FOXP2: variants seen among roughly 807,000 people sequenced by gnomAD.
FOXP2 encodes the protein forkhead box P2.
A neutral mutation model predicts 115.8 loss-of-function variants in FOXP2; 12 were observed. The ratio of observed to expected loss-of-function variants is 0.10; its 90% CI spans 0.07 to 0.17. FOXP2 has a LOEUF of 0.17. Ranked by LOEUF, FOXP2 falls within the 10% of genes least tolerant of loss-of-function variation. FOXP2 has a pLI of 1.00. For synonymous variants in FOXP2, 328 were observed against 297.7 expected, an observed-to-expected ratio of 1.10 and a Z score of -1.05; for missense variants, 629 against 843.5, an observed-to-expected ratio of 0.75 and a Z score of 3.15.
chr7:114,629,646 T>G (rs1161544610), intron 4 of FOXP2, 159 bp from the exon 5 acceptor site: 1 of 1,594,420 alleles, frequency 6.3e-7, no homozygotes, highest in Non-Finnish European at 8.5e-7. Context: ...AAAAAATGTA[T>G]GTAGAGCTGT....
At chr7:114,663,597 G>C in intron 15 of FOXP2, 78 bp downstream of exon 15, 1 of 1,084,712 alleles carries the variant, frequency 9.2e-7, no homozygotes, top group South Asian at 1.3e-5. Context: ...TTGTATTTAG[G>C]TGAGATTGTG....
chr7:114,405,975 G>A (rs1421034857), intron 2 of FOXP2, among the ~76,000 whole-genome samples: 1 of 151,680 alleles, frequency 6.6e-6, no homozygotes, highest in African/African-American at 2.4e-5. Flanking sequence ...AGAATTTGTA[G>A]TTGAAAAATA....
At chr7:114,643,154 T>C (rs763750138) in intron 7 of FOXP2, among the ~76,000 whole-genome samples, 3 of 151,948 alleles carry the variant, frequency 2.0e-5, no homozygotes, top group Non-Finnish European at 4.4e-5. Context: ...TACCAAAAGT[T>C]TGATGGATGT....
chr7:114,232,425 T>G (rs1246055663), intron 1 of FOXP2, among the ~76,000 whole-genome samples: 1 of 152,212 alleles, frequency 6.6e-6, no homozygotes, highest in Non-Finnish European at 1.5e-5. Flanking sequence ...ATGTTCATTG[T>G]AACATTATTC....
intron 2 of FOXP2, among the ~76,000 whole-genome samples, chr7:114,311,470 A>G (rs1797145535): frequency 6.6e-6 from 1 of 152,128 alleles, no homozygotes; most frequent in Non-Finnish European, 1.5e-5. Flanking sequence ...GGTTTTGCCA[A>G]TGCCAAATAT....
chr7:114,559,660 A>G (rs993890789), intron 3 of FOXP2, among the ~76,000 whole-genome samples: 11 of 152,198 alleles, frequency 7.2e-5, no homozygotes, highest in Non-Finnish European at 1.3e-4. Flanking sequence ...AGGCGGGCAG[A>G]TCACGAGGTC....
intron 1 of FOXP2, among the ~76,000 whole-genome samples, chr7:114,119,179 G>C (rs1584489483): frequency 6.6e-6 from 1 of 152,096 alleles, no homozygotes; most frequent in East Asian, 1.9e-4. Context: ...ACAAAATTCA[G>C]CTCATTACCA....
intron 2 of FOXP2, among the ~76,000 whole-genome samples, chr7:114,463,505 CAT>C (rs1288161854): frequency 1.3e-5 from 2 of 152,130 alleles, no homozygotes; most frequent in Non-Finnish European, 2.9e-5. Context: ...TAATGGCAAA[CAT>C]GTTGAACAGT....
chr7:114,644,345 GT>G (rs932517107), intron 7 of FOXP2, among the ~76,000 whole-genome samples: 1 of 151,904 alleles, frequency 6.6e-6, no homozygotes, highest in Non-Finnish European at 1.5e-5. Flanking sequence ...GAAAATAAAG[GT>G]TTTTTTCACT....
At chr7:114,159,502 G>A (rs370693438), upstream of FOXP2, among the ~76,000 whole-genome samples, 10 of 151,276 alleles carry the variant, frequency 6.6e-5, no homozygotes, top group Non-Finnish European at 5.9e-5. Context: ...TAATGAAAAA[G>A]AAAAAAACAG....
At chr7:114,634,535 C>G (rs955933141) in intron 6 of FOXP2, among the ~76,000 whole-genome samples, 1 of 151,696 alleles carries the variant, frequency 6.6e-6, no homozygotes, top group South Asian at 2.1e-4. Context: ...ATTAATATTA[C>G]TATAATATTG....
At chr7:114,528,930 G>A (rs1035327576) in intron 2 of FOXP2, among the ~76,000 whole-genome samples, 27 of 152,052 alleles carry the variant, frequency 1.8e-4, no homozygotes, top group African/African-American at 6.5e-4. Flanking sequence ...ATAAACAGAA[G>A]TTGTAAAAGC....
chr7:114,540,617 G>C (rs1799609500), intron 3 of FOXP2, among the ~76,000 whole-genome samples: 1 of 151,960 alleles, frequency 6.6e-6, no homozygotes. Context: ...AAAACAGAAA[G>C]AACAATAAGC....
intron 2 of FOXP2, among the ~76,000 whole-genome samples, chr7:114,443,386 A>G (rs1318068206): frequency 1.3e-5 from 2 of 152,298 alleles, no homozygotes; most frequent in Non-Finnish European, 2.9e-5. Context: ...ATCTCTTCTC[A>G]CTTGTACTGA....
chr7:114,397,127 C>T (rs1449665242), intron 2 of FOXP2, among the ~76,000 whole-genome samples: 1 of 151,800 alleles, frequency 6.6e-6, no homozygotes, highest in Non-Finnish European at 1.5e-5. Context: ...CAATGAAAAG[C>T]ACAAAATAAT....
intron 2 of FOXP2, among the ~76,000 whole-genome samples, chr7:114,370,899 G>T (rs1015741238): frequency 6.6e-6 from 1 of 152,088 alleles, no homozygotes; most frequent in Non-Finnish European, 1.5e-5. Context: ...ATGAATGAAA[G>T]AATTTAGTGT....
intron 2 of FOXP2, among the ~76,000 whole-genome samples, chr7:114,457,837 G>A (rs1268986568): frequency 7.3e-5 from 11 of 150,702 alleles, no homozygotes; most frequent in Non-Finnish European, 1.0e-4. Flanking sequence ...GGCAGAGCTC[G>A]CAGTGAGCCG....
At chr7:114,203,828 T>C (rs1314447187) in intron 1 of FOXP2, among the ~76,000 whole-genome samples, 1 of 152,182 alleles carries the variant, frequency 6.6e-6, no homozygotes, top group East Asian at 1.9e-4. Flanking sequence ...TATTTCTTCT[T>C]TATTTTGCTT....
At chr7:114,474,925 T>G (rs1424741307) in intron 2 of FOXP2, among the ~76,000 whole-genome samples, 1 of 152,030 alleles carries the variant, frequency 6.6e-6, no homozygotes, top group East Asian at 1.9e-4. Context: ...TAGAGATAAG[T>G]CATTGGTGAG....
Sources: allele counts gnomAD v4.1 joint callset (sites outside exome capture counted in the v4.1 genomes callset), GRCh38; gene constraint gnomAD v4.1.1; transcripts MANE v1.5; gene names NCBI Gene and HGNC (gene_info 2026-07-23, HGNC 2026-07-21).